Variants in RCAN1 observed in about 807,000 individuals in gnomAD.
RCAN1 encodes the protein calcipressin-1.
In RCAN1, 11 loss-of-function variants were observed where a neutral mutation model predicts 22.9. That is an observed-to-expected ratio of 0.48 (90% confidence interval 0.30 to 0.79). The LOEUF (loss-of-function observed/expected upper bound fraction) is 0.79. RCAN1 is among the 30% of genes least tolerant of loss of function. The probability of loss-of-function intolerance (pLI) is 0.06; values close to 1 mark genes in which losing one functional copy is unlikely to be tolerated. For missense variants in RCAN1, 291 were observed against 337.8 expected, an observed-to-expected ratio of 0.86 and a Z score of 1.09; for synonymous variants, 136 against 142.3, an observed-to-expected ratio of 0.96 and a Z score of 0.32.
chr21:34,549,617 T>C (rs1215712510), intron 1 of RCAN1, among the ~76,000 whole-genome samples: 2 of 152,150 alleles, frequency 1.3e-5, no homozygotes, highest in African/African-American at 2.4e-5. Flanking sequence ...GTTTTTAATA[T>C]ACATCAAGCA....
intron 1 of RCAN1, among the ~76,000 whole-genome samples, chr21:34,533,031 G>C (rs1194948972): frequency 1.3e-5 from 2 of 151,300 alleles, no homozygotes; most frequent in Non-Finnish European, 1.5e-5. Context: ...CACTATCTCG[G>C]CTCACTGCAA....
chr21:34,593,906 C>T (rs964200350), intron 1 of RCAN1, among the ~76,000 whole-genome samples: 5 of 152,094 alleles, frequency 3.3e-5, no homozygotes, highest in Non-Finnish European at 5.9e-5. Flanking sequence ...TTCTATAATA[C>T]GTGTAAGAAA....
chr21:34,536,526 A>T (rs1985678734), intron 1 of RCAN1, among the ~76,000 whole-genome samples: 1 of 152,150 alleles, frequency 6.6e-6, no homozygotes, highest in African/African-American at 2.4e-5. Flanking sequence ...TCAGTCCTTC[A>T]CACGCAAAGT....
In RCAN1 at chr21:34,517,933, CG is replaced by C; in HGVS notation, c.*150del. 1.1e-6 allele frequency: 1 copy of C among 879,190 alleles called. No homozygotes were observed. The highest frequency in any genetic ancestry group is 1.8e-6 in the Non-Finnish European group (1 of 566,794). 54.5% of individuals were successfully genotyped at this position (879,190 alleles called of 1,614,324 possible). A position where few individuals can be genotyped will look rare whatever the true frequency, so the allele number is the denominator to read the frequency against. ...TGTGCAGCATTAGAACAAGGGGACA[CG>C]GCCTTGATTCTCTTCTGAGCAACAT... On this transcript the variant is annotated 3_prime_UTR_variant, in exon 4 of 4. Coordinates refer to ENST00000313806, the MANE Select transcript of RCAN1 (RefSeq NM_004414.7).
chr21:34,526,443 G>C (rs978116277), intron 1 of RCAN1, among the ~76,000 whole-genome samples: 6 of 152,176 alleles, frequency 3.9e-5, no homozygotes, highest in African/African-American at 1.4e-4. Flanking sequence ...GTTGGTTCAG[G>C]GGCCTGGATG....
At chr21:34,521,320 C>T (rs1354278230) in intron 3 of RCAN1, 179 bp downstream of exon 3, 9 of 1,484,994 alleles carry the variant, frequency 6.1e-6, no homozygotes, top group Admixed American at 2.2e-5. Flanking sequence ...GCAGGTGGTG[C>T]CAAGAGGCAG....
intron 2 of RCAN1, chr21:34,521,931 A>C: frequency 2.4e-6 from 1 of 420,006 alleles, no homozygotes; most frequent in East Asian, 4.2e-5. Context: ...ACCTAGATGG[A>C]CAGAAAATCA....
intron 1 of RCAN1, among the ~76,000 whole-genome samples, chr21:34,599,725 T>A (rs899121532): frequency 6.6e-6 from 1 of 152,212 alleles, no homozygotes; most frequent in Non-Finnish European, 1.5e-5. Flanking sequence ...CTTTGATAGT[T>A]AATTACGCCT....
chr21:34,547,950 G>T (rs1986212256), intron 1 of RCAN1, among the ~76,000 whole-genome samples: 1 of 152,324 alleles, frequency 6.6e-6, no homozygotes, highest in South Asian at 2.1e-4. Context: ...CCTTTAGGAG[G>T]TAATTAGGGT....
chr21:34,610,341 G>C (rs1350391456), intron 1 of RCAN1, among the ~76,000 whole-genome samples: 1 of 152,166 alleles, frequency 6.6e-6, no homozygotes, highest in Non-Finnish European at 1.5e-5. Context: ...GGTGGAGAGT[G>C]AGCAGCACCC....
intron 1 of RCAN1, among the ~76,000 whole-genome samples, chr21:34,530,306 T>C (rs909663582): frequency 2.2e-4 from 34 of 152,230 alleles, no homozygotes; most frequent in Non-Finnish European, 2.9e-5. Flanking sequence ...CAGTTTCCAT[T>C]AGGAAGTTTC....
chr21:34,599,914 G>A (rs1988279390), intron 1 of RCAN1, among the ~76,000 whole-genome samples: 1 of 152,178 alleles, frequency 6.6e-6, no homozygotes, highest in Admixed American at 6.5e-5. Context: ...ACCAATAGGT[G>A]TAGACCTATT....
At chr21:34,593,374 C>T (rs563324440) in intron 1 of RCAN1, among the ~76,000 whole-genome samples, 2 of 152,364 alleles carry the variant, frequency 1.3e-5, no homozygotes, top group South Asian at 4.1e-4. Flanking sequence ...ATGCAAGGCT[C>T]ATCCTCCTCC....
Position 34,615,079 on chromosome 21 carries a change from G to T in RCAN1, c.-68C>A, listed in dbSNP as rs1010204662. 19 of 1,006,568 alleles carry T rather than the reference G, an allele frequency of 1.9e-5. No individual in the cohort carries two copies. The highest frequency in any genetic ancestry group is 4.6e-5 in the South Asian group (1 of 21,734). 62.4% of individuals were successfully genotyped at this position (1,006,568 alleles called of 1,614,324 possible). ...GGGCTTGCGCGCCGGAGCCTCACGC[G>T]CTCCGGTCCGCGCCCGGCCGGCGGC... On this transcript the variant is annotated 5_prime_UTR_variant, in exon 1 of 4. Coordinates refer to ENST00000313806, the MANE Select transcript of RCAN1 (RefSeq NM_004414.7).
At chr21:34,569,312 T>C (rs1183647654) in intron 1 of RCAN1, among the ~76,000 whole-genome samples, 2 of 152,222 alleles carry the variant, frequency 1.3e-5, no homozygotes, top group Non-Finnish European at 2.9e-5. Flanking sequence ...AGAGAATTTT[T>C]TTAGACTATA....
At chr21:34,573,607 G>A (rs1376864522) in intron 1 of RCAN1, among the ~76,000 whole-genome samples, 1 of 152,128 alleles carries the variant, frequency 6.6e-6, no homozygotes, top group Non-Finnish European at 1.5e-5. Flanking sequence ...GTCTAAGTAG[G>A]TGACCTCAAC....
At chr21:34,556,970 T>C (rs1020338497) in intron 1 of RCAN1, among the ~76,000 whole-genome samples, 6 of 152,170 alleles carry the variant, frequency 3.9e-5, no homozygotes, top group Admixed American at 3.3e-4. Flanking sequence ...TCCCAACACT[T>C]GGGAGGCCGA....
rs117629557 is a variant in RCAN1, at chr21:34,598,832, A to G, written c.252+15928T>C. Among the ~76,000 whole-genome samples, 923 of 152,344 alleles carry G rather than the reference A, an allele frequency of 6.1e-3. 30 individuals carry two copies. The East Asian group carries it at 0.093, about 15-fold the overall frequency. ...CAGACGATAAACTCACCAGAAAAGT[A>G]GCGCAAGATATACACAATCAGTTTA... On this transcript the variant is annotated intron_variant, in intron 1 of 3. Transcript: ENST00000313806.
At chr21:34,522,896 C>T (rs1362750392) in intron 2 of RCAN1, 1 of 152,158 alleles carries the variant, frequency 6.6e-6, no homozygotes, top group African/African-American at 2.4e-5. Context: ...TCCTAAGTTC[C>T]CCAGAGGAGG....
Sources: gnomAD v4.1 joint callset for allele counts (sites outside exome capture counted in the v4.1 genomes callset) on GRCh38, gnomAD v4.1.1 for gene constraint, MANE v1.5 for transcripts, NCBI Gene and HGNC (gene_info 2026-07-23, HGNC 2026-07-21) for gene names.